ZNF280B: variants seen among roughly 807,000 people sequenced by gnomAD.
The protein encoded by ZNF280B is suppressor of hairy wing homolog 2.
In ZNF280B, 16 loss-of-function variants were observed where a neutral mutation model predicts 38.0. That is an observed-to-expected ratio of 0.42 (90% CI 0.28 to 0.64). ZNF280B has a LOEUF of 0.64. Ranked by LOEUF, ZNF280B falls within the 30% of genes least tolerant of loss-of-function variation. ZNF280B has a pLI of 0.21. For synonymous variants in ZNF280B, 253 were observed against 230.6 expected (o/e 1.10, Z -0.88); for missense variants, 581 against 639.6 (o/e 0.91, Z 0.99).
In ZNF280B at chr22:22,489,055, G is replaced by A; in HGVS notation, c.344C>T (p.Pro115Leu). ...SQLESRSTDS[P>L]IIIEPLSKPD... The stretch of plus-strand genomic sequence containing the variant: ...TTTAGACAAAGGCTCAATAATAATA[G>A]GACTATCTGTTGATCTCGATTCAAG... The change falls in exon 4 of 4, where the codon CCT (proline) becomes CTT (leucine). Residue 115 changes from proline to leucine, a missense_variant. Physicochemically the swap from Pro to Leu is moderately conservative, Grantham distance 98. Transcript: ENST00000626650. 6.2e-7 allele frequency: 1 copy of A among 1,613,812 alleles called. No homozygotes were observed.
rs139703690 is a variant in ZNF280B at position 22,502,113 on chromosome 22, C to T, written c.-187+5697G>A. On this transcript the variant is annotated intron_variant, in intron 2 of 3. Transcript: ENST00000626650. The stretch of plus-strand genomic sequence containing the variant: ...CTGTACTGCAGCCTGGGCAACAGAG[C>T]GAGACCCTGTCTCAAAAACAAACAA... Among the ~76,000 whole-genome samples, 5 of 151,780 alleles carry T rather than the reference C, an allele frequency of 3.3e-5. 1 individual carries two copies. The highest frequency in any genetic ancestry group is 1.2e-4 in the African/African-American group (5 of 41,418).
At chr22:22,506,778 A>G (rs901643764) in intron 2 of ZNF280B, among the ~76,000 whole-genome samples, 3 of 151,986 alleles carry the variant, frequency 2.0e-5, no homozygotes, top group Admixed American at 6.6e-5. Context: ...TGGCCTTAGC[A>G]AGAAGTCAAA....
At chr22:22,498,312 A>C (rs1189054757) in intron 2 of ZNF280B, among the ~76,000 whole-genome samples, 1 of 151,982 alleles carries the variant, frequency 6.6e-6, no homozygotes. Context: ...AAATGCACTA[A>C]ATATCACTAA....
chr22:22,490,990 C>A (rs996738524), intron 3 of ZNF280B, among the ~76,000 whole-genome samples: 5 of 151,806 alleles, frequency 3.3e-5, no homozygotes, highest in Non-Finnish European at 7.4e-5. Flanking sequence ...AGCCCTATCA[C>A]CATTTAACAT....
Position 22,487,010 on chromosome 22 carries a change from T to A in ZNF280B, c.*757A>T, listed in dbSNP as rs1166355580. On this transcript the variant is annotated 3_prime_UTR_variant, in exon 4 of 4. Transcript: ENST00000626650. ...AGTGGGCCAGGGCATAACAAAGCCA[T>A]TCCAGTCTGACTAGAGTTAACCATG... 1 of 151,976 alleles carries A rather than the reference T, an allele frequency of 6.6e-6. No individual in the cohort carries two copies. Among genetic ancestry groups the A allele is most frequent in the African/African-American group, 2.4e-5 (1 of 41,410 alleles). 9.4% of individuals were successfully genotyped at this position (151,976 alleles called of 1,614,324 possible). A position where few individuals can be genotyped will look rare whatever the true frequency, so the allele number is the denominator to read the frequency against.
chr22:22,497,208 TAAAAAAAAAAAAA>T (rs71199486), intron 2 of ZNF280B, among the ~76,000 whole-genome samples: 21 of 33,640 alleles, frequency 6.2e-4, no homozygotes, highest in African/African-American at 1.1e-3. Context: ...TCTCCATCTT[TAAAAAAAAAAAAA>T]AAAAAAAAAA....
At chr22:22,506,612 T>A (rs1211427231) in intron 2 of ZNF280B, among the ~76,000 whole-genome samples, 1 of 151,656 alleles carries the variant, frequency 6.6e-6, no homozygotes, top group Non-Finnish European at 1.5e-5. Context: ...AGATGGGAGA[T>A]GTGGCATCAA....
chr22:22,491,285 C>T (rs1569176428), intron 3 of ZNF280B, among the ~76,000 whole-genome samples: 1 of 150,990 alleles, frequency 6.6e-6, no homozygotes, highest in Non-Finnish European at 1.5e-5. Flanking sequence ...TTCCGTAGGC[C>T]AATAAAGGAC....
chr22:22,506,627 G>A (rs184209608), intron 2 of ZNF280B, among the ~76,000 whole-genome samples: 2 of 151,838 alleles, frequency 1.3e-5, no homozygotes, highest in East Asian at 2.0e-4. Flanking sequence ...CATCAAAAAC[G>A]AGATCTTTAA....
intron 2 of ZNF280B, among the ~76,000 whole-genome samples, chr22:22,495,060 T>C (rs1200030366): frequency 6.6e-6 from 1 of 151,890 alleles, no homozygotes; most frequent in Non-Finnish European, 1.5e-5. Flanking sequence ...CACACGAGTT[T>C]TTAACCACAC....
Position 22,489,072 on chromosome 22 carries a change from C to G in ZNF280B, c.327G>C (p.Ser109=), listed in dbSNP as rs769885972. Residue 109 remains serine (S), a synonymous_variant, in exon 4 of 4, where the codon TCG becomes TCC. Transcript: ENST00000626650. Reference sequence around the variant, plus strand: ...TAATAATAGGACTATCTGTTGATCTCGATTCAAGTTGGGAAGCTGGCAGGA... The same window carrying G: ...TAATAATAGGACTATCTGTTGATCTGGATTCAAGTTGGGAAGCTGGCAGGA... The part of the protein sequence containing the change: ...VTVLPASQLE[S]RSTDSPIIIE... 2.5e-6 allele frequency: 4 copies of G among 1,613,786 alleles called. No homozygotes were observed. Among genetic ancestry groups the G allele is most frequent in the Admixed American group, 1.7e-5 (1 of 59,980 alleles).
At chr22:22,491,897 A>G (rs2061603166) in intron 3 of ZNF280B, among the ~76,000 whole-genome samples, 1 of 152,022 alleles carries the variant, frequency 6.6e-6, no homozygotes, top group Admixed American at 6.6e-5. Context: ...ACCAAGGTTC[A>G]TAACTCACCA....
intron 2 of ZNF280B, among the ~76,000 whole-genome samples, chr22:22,499,495 G>A (rs942243647): frequency 2.0e-5 from 3 of 151,040 alleles, no homozygotes; most frequent in South Asian, 4.2e-4. Flanking sequence ...TCGAACTCCC[G>A]ACCTCAGGTG....
intron 2 of ZNF280B, among the ~76,000 whole-genome samples, chr22:22,496,053 A>G (rs1601714627): frequency 7.7e-6 from 1 of 129,118 alleles, no homozygotes; most frequent in Non-Finnish European, 1.6e-5. Flanking sequence ...TTATCCACCC[A>G]CCTCGGCCTC....
At chr22:22,503,676 C>T (rs1022724820) in intron 2 of ZNF280B, among the ~76,000 whole-genome samples, 4 of 151,992 alleles carry the variant, frequency 2.6e-5, no homozygotes, top group Admixed American at 1.3e-4. Context: ...ATAAATTATA[C>T]GTAGGATTAC....
At chr22:22,496,152 A>G (rs2061690487) in intron 2 of ZNF280B, among the ~76,000 whole-genome samples, 1 of 125,764 alleles carries the variant, frequency 8.0e-6, no homozygotes, top group Non-Finnish European at 1.6e-5. Flanking sequence ...TGTGTCACCC[A>G]GGATGGAGTG....
Position 22,489,297 on chromosome 22 carries a change from AC to A in ZNF280B, c.101del (p.Gly34ValfsTer5), listed in dbSNP as rs1308058318. ...DDEDAELIFV[G>X]VEHVNEDAEL... is the part of the protein sequence containing the mutation. ...CAGCATCTTCATTTACATGTTCCAC[AC>A]CAACAAAGATGAGCTCAGCATCTTC... is the stretch of plus-strand genomic sequence containing the variant. On this transcript the variant is annotated frameshift_variant, in exon 4 of 4. Transcript: ENST00000626650. LOFTEE classifies it high-confidence loss of function. The A allele has an allele frequency of 6.2e-7, 1 of 1,613,746 alleles. No individual in the cohort carries two copies. Among genetic ancestry groups the A allele is most frequent in the Non-Finnish European group, 8.5e-7 (1 of 1,179,970 alleles).
At chr22:22,495,655 T>G (rs946824568) in intron 2 of ZNF280B, among the ~76,000 whole-genome samples, 1 of 151,862 alleles carries the variant, frequency 6.6e-6, no homozygotes, top group African/African-American at 2.4e-5. Context: ...GTCAGAGAGG[T>G]AGCAAGAGTG....
chr22:22,488,390 C>G lies in ZNF280B; in HGVS notation c.1009G>C (p.Asp337His). The G allele has an allele frequency of 6.2e-7, 1 of 1,613,896 alleles. No homozygotes were observed. Among genetic ancestry groups the G allele is most frequent in the South Asian group, 1.1e-5 (1 of 91,058 alleles). The change falls in exon 4 of 4, where the codon GAC becomes CAC. Residue 337 changes from aspartate (D) to histidine (H), a missense_variant. Transcript: ENST00000626650. ...CAGGTGGTGTGGTTTTCCCAGCTGT[C>G]GTTCCTCTGCTTCTCAAATTCCAAA... ...HHLEFEKQRN[D>H]SWENHTTCQH...
Sources: gnomAD v4.1 joint callset for allele counts (sites outside exome capture counted in the v4.1 genomes callset) on GRCh38, gnomAD v4.1.1 for gene constraint, MANE v1.5 for transcripts, NCBI Gene and HGNC (gene_info 2026-07-23, HGNC 2026-07-21) for gene names.